The following NCK1 variants were observed in gnomAD, a reference collection of about 807,000 sequenced individuals.
NCK1 encodes the protein NCK adaptor protein 1.
NCK1 carries 19 observed loss-of-function variants against 36.6 expected under a neutral mutation model. The observed-to-expected ratio is 0.52, with a 90% confidence interval of 0.36 to 0.76. The LOEUF (loss-of-function observed/expected upper bound fraction) is 0.76. NCK1 is among the 30% of genes least tolerant of loss of function. NCK1 has a pLI of 0.00. For missense variants in NCK1, 358 were observed against 445.6 expected, an observed-to-expected ratio of 0.80 and a Z score of 1.77; for synonymous variants, 165 against 156.0, an observed-to-expected ratio of 1.06 and a Z score of -0.43.
intron 1 of NCK1, among the ~76,000 whole-genome samples, chr3:136,917,232 C>T (rs78399442): frequency 6.5e-5 from 9 of 139,212 alleles, no homozygotes; most frequent in South Asian, 2.2e-4. Flanking sequence ...ACATTATGAG[C>T]TTTTTTTTTT....
In NCK1 at chr3:136,948,455, A is replaced by T; in HGVS notation, c.*2A>T. On this transcript the variant is annotated 3_prime_UTR_variant, in exon 4 of 4. Coordinates refer to ENST00000481752, the MANE Select transcript of NCK1 (RefSeq NM_001291999.2). ...TATCTTGTCAAGCATTTATCATGATACTGCTGACCAGAAGTGACTGCTGTG... is the reference window on the plus strand; with the variant it reads ...TATCTTGTCAAGCATTTATCATGATTCTGCTGACCAGAAGTGACTGCTGTG... 1 of 1,610,034 alleles carries T rather than the reference A, an allele frequency of 6.2e-7. No homozygotes were observed. The highest frequency in any genetic ancestry group is 8.5e-7 in the Non-Finnish European group (1 of 1,177,532).
chr3:136,919,925 A>AT (rs1940061838), intron 1 of NCK1, among the ~76,000 whole-genome samples: 1 of 152,142 alleles, frequency 6.6e-6, no homozygotes, highest in Non-Finnish European at 1.5e-5. Flanking sequence ...CCTGCTTCTG[A>AT]TAAGAATCAG....
At chr3:136,938,849 T>C (rs1940600671) in intron 2 of NCK1, among the ~76,000 whole-genome samples, 1 of 152,224 alleles carries the variant, frequency 6.6e-6, no homozygotes, top group Non-Finnish European at 1.5e-5. Flanking sequence ...AATTCAGTAT[T>C]TATGGTAACT....
At chr3:136,926,891 G>A (rs188923231) in intron 1 of NCK1, among the ~76,000 whole-genome samples, 40 of 152,296 alleles carry the variant, frequency 2.6e-4, no homozygotes, top group African/African-American at 9.1e-4. Flanking sequence ...CTATTTGGAA[G>A]CAATATTCTG....
At chr3:136,942,485 A>G in intron 2 of NCK1, among the ~76,000 whole-genome samples, 1 of 152,154 alleles carries the variant, frequency 6.6e-6, no homozygotes, top group East Asian at 1.9e-4. Flanking sequence ...GAGCCAAAAG[A>G]AAAAACAAAC....
At chr3:136,865,124 A>C (rs1430675983) in intron 1 of NCK1, among the ~76,000 whole-genome samples, 1 of 151,620 alleles carries the variant, frequency 6.6e-6, no homozygotes, top group Non-Finnish European at 1.5e-5. Context: ...CGCCTGACTA[A>C]TTTTTGTATT....
At chr3:136,930,554 A>T in intron 2 of NCK1, 1 of 1,467,872 alleles carries the variant, frequency 6.8e-7, no homozygotes, top group Non-Finnish European at 9.0e-7. Context: ...CAGAATTTTT[A>T]CTCAAAATGG....
At chr3:136,924,323 A>G (rs967076615) in intron 1 of NCK1, among the ~76,000 whole-genome samples, 4 of 152,184 alleles carry the variant, frequency 2.6e-5, no homozygotes, top group African/African-American at 9.7e-5. Flanking sequence ...GATAGGGGGG[A>G]TAGAGGAACA....
chr3:136,931,981 G>C (rs1168059698), intron 2 of NCK1, among the ~76,000 whole-genome samples: 1 of 152,062 alleles, frequency 6.6e-6, no homozygotes, highest in African/African-American at 2.4e-5. Flanking sequence ...TTAGCTGGGC[G>C]TGGTGGCGGG....
intron 1 of NCK1, among the ~76,000 whole-genome samples, chr3:136,892,384 T>TG (rs1939269866): frequency 6.6e-6 from 1 of 152,228 alleles, no homozygotes; most frequent in South Asian, 2.1e-4. Context: ...GTTTGACTCT[T>TG]TTCGGTTGCC....
chr3:136,926,097 C>A (rs1225275823), intron 1 of NCK1, among the ~76,000 whole-genome samples: 1 of 152,070 alleles, frequency 6.6e-6, no homozygotes, highest in East Asian at 1.9e-4. Context: ...ACCTTTTCAT[C>A]TGCTTATTTG....
chr3:136,935,068 A>C (rs1260180995), intron 2 of NCK1, among the ~76,000 whole-genome samples: 1 of 151,920 alleles, frequency 6.6e-6, no homozygotes, highest in Non-Finnish European at 1.5e-5. Context: ...TGACTGGCTA[A>C]TTTTTGTATT....
chr3:136,904,794 G>T (rs1218274094), intron 1 of NCK1, among the ~76,000 whole-genome samples: 1 of 147,706 alleles, frequency 6.8e-6, no homozygotes, highest in South Asian at 2.1e-4. Flanking sequence ...TGAATATTTG[G>T]TTACTTAATG....
chr3:136,908,187 G>A (rs1250828810), intron 1 of NCK1, among the ~76,000 whole-genome samples: 4 of 152,124 alleles, frequency 2.6e-5, no homozygotes, highest in African/African-American at 9.7e-5. Flanking sequence ...TAGCAAAATA[G>A]TCTGTTTACT....
chr3:136,879,783 G>A (rs1269440477), intron 1 of NCK1, among the ~76,000 whole-genome samples: 1 of 151,980 alleles, frequency 6.6e-6, no homozygotes, highest in African/African-American at 2.4e-5. Context: ...CACTGCATGA[G>A]TTGAACAATG....
intron 1 of NCK1, among the ~76,000 whole-genome samples, chr3:136,872,011 G>A (rs1396236201): frequency 6.6e-6 from 1 of 152,184 alleles, no homozygotes; most frequent in Non-Finnish European, 1.5e-5. Context: ...TCAGCAGCAT[G>A]AAAACAGATT....
intron 1 of NCK1, among the ~76,000 whole-genome samples, chr3:136,916,551 A>G (rs1027608880): frequency 6.6e-6 from 1 of 152,188 alleles, no homozygotes; most frequent in African/African-American, 2.4e-5. Flanking sequence ...TATGCTTACT[A>G]GAAGAGATGA....
intron 1 of NCK1, among the ~76,000 whole-genome samples, chr3:136,893,607 G>A (rs903802051): frequency 6.6e-6 from 1 of 152,136 alleles, no homozygotes; most frequent in African/African-American, 2.4e-5. Flanking sequence ...TCTGCTGATT[G>A]TGTCTTTTGC....
At chr3:136,893,198 A>ACACACACACCATATTTTCTTTACCCAT (rs1347213828) in intron 1 of NCK1, among the ~76,000 whole-genome samples, 1 of 132,162 alleles carries the variant, frequency 7.6e-6, no homozygotes, top group African/African-American at 2.8e-5. Flanking sequence ...ATATACACAC[A>ACACACACACCATATTTTCTTTACCCAT]TGTGCAAGTA....
Sources: gnomAD v4.1 joint callset for allele counts (sites outside exome capture counted in the v4.1 genomes callset) on GRCh38, gnomAD v4.1.1 for gene constraint, MANE v1.5 for transcripts, NCBI Gene and HGNC (gene_info 2026-07-23, HGNC 2026-07-21) for gene names.